BCAP29: variants seen among roughly 807,000 people sequenced by gnomAD.
BCAP29 encodes the protein B cell receptor associated protein 29.
A neutral mutation model predicts 31.8 loss-of-function variants in BCAP29; 34 were observed. The observed-to-expected ratio is 1.07, with a 90% CI of 0.81 to 1.42. The LOEUF is 1.42. BCAP29 is among the 40% of genes most tolerant of loss of function. The probability of loss-of-function intolerance (pLI) is 0.00; values close to 1 mark genes in which losing one functional copy is unlikely to be tolerated. For missense variants in BCAP29, 314 were observed against 269.2 expected, an observed-to-expected ratio of 1.17 and a Z score of -1.16; for synonymous variants, 104 against 91.3, an observed-to-expected ratio of 1.14 and a Z score of -0.79.
At chr7:107,589,669 C>T (rs1808357710) in intron 3 of BCAP29, among the ~76,000 whole-genome samples, 1 of 152,142 alleles carries the variant, frequency 6.6e-6, no homozygotes, top group African/African-American at 2.4e-5. Context: ...TGTTGGGGAC[C>T]CCTGCTGTAC....
intron 6 of BCAP29, among the ~76,000 whole-genome samples, chr7:107,611,182 C>A (rs1318205354): frequency 1.3e-5 from 2 of 152,110 alleles, no homozygotes; most frequent in African/African-American, 4.8e-5. Context: ...CCCAGCCACG[C>A]CTCCCAATAC....
At chr7:107,605,381 CAT>C (rs933775664) in intron 6 of BCAP29, among the ~76,000 whole-genome samples, 1 of 152,160 alleles carries the variant, frequency 6.6e-6, no homozygotes, top group Non-Finnish European at 1.5e-5. Context: ...GTAAACCAAA[CAT>C]ATGTCCATAA....
intron 3 of BCAP29, among the ~76,000 whole-genome samples, chr7:107,588,850 A>T (rs1054683968): frequency 1.3e-5 from 2 of 152,212 alleles, no homozygotes; most frequent in Non-Finnish European, 2.9e-5. Flanking sequence ...TCAACCATGG[A>T]TGTGTAGGAA....
chr7:107,617,793 TATGAG>T (rs1282064866), intron 7 of BCAP29, among the ~76,000 whole-genome samples: 2 of 152,232 alleles, frequency 1.3e-5, no homozygotes, highest in African/African-American at 4.8e-5. Context: ...AACCCCATTT[TATGAG>T]ATATTTTTCA....
chr7:107,593,143 GC>G (rs1809183185), intron 3 of BCAP29, among the ~76,000 whole-genome samples: 1 of 152,284 alleles, frequency 6.6e-6, no homozygotes, highest in African/African-American at 2.4e-5. Flanking sequence ...TCCTTGTGTG[GC>G]AATAACTCTT....
At chr7:107,585,742 C>G (rs1294175553) in intron 3 of BCAP29, among the ~76,000 whole-genome samples, 2 of 152,168 alleles carry the variant, frequency 1.3e-5, no homozygotes, top group African/African-American at 2.4e-5. Flanking sequence ...GTAATCTCAG[C>G]ACTTCGAAAG....
intron 2 of BCAP29, among the ~76,000 whole-genome samples, chr7:107,582,276 T>A (rs1424895069): frequency 6.6e-6 from 1 of 152,200 alleles, no homozygotes; most frequent in Non-Finnish European, 1.5e-5. Flanking sequence ...ATTTTACCCA[T>A]CCTGATCAAG....
At chr7:107,599,150 T>TATATAA (rs1563133791) in intron 5 of BCAP29, among the ~76,000 whole-genome samples, 1 of 116,404 alleles carries the variant, frequency 8.6e-6, no homozygotes, top group Non-Finnish European at 1.7e-5. Flanking sequence ...TGTATATAAA[T>TATATAA]ATATATTTAT....
In BCAP29 at chr7:107,595,987, CGAAAAACT is replaced by C; in HGVS notation, c.466_473del (p.Glu156LysfsTer9). On this transcript the variant is annotated frameshift_variant, in exon 5 of 8. Coordinates refer to ENST00000005259, the MANE Select transcript of BCAP29 (RefSeq NM_018844.4). LOFTEE classifies it high-confidence loss of function. ...CTGCCAAAAAATTTATGGAAGAAAA[CGAAAAACT>C]AAAAAGGGTATTTAATTTTCTTTGT... 2.6e-6 allele frequency: 4 copies of C among 1,564,004 alleles called. No homozygotes were observed. The South Asian group carries it at 4.9e-5, about 19-fold the overall frequency.
At chr7:107,614,212 T>C (rs1813724765) in intron 7 of BCAP29, among the ~76,000 whole-genome samples, 1 of 152,218 alleles carries the variant, frequency 6.6e-6, no homozygotes, top group Non-Finnish European at 1.5e-5. Context: ...AATAGCTTTT[T>C]ATTTCACTGT....
chr7:107,601,113 G>T (rs1468960102), intron 6 of BCAP29, among the ~76,000 whole-genome samples: 1 of 152,062 alleles, frequency 6.6e-6, no homozygotes, highest in African/African-American at 2.4e-5. Context: ...AGTTTTGCTA[G>T]TGTTTTTTTC....
In BCAP29 at chr7:107,619,887, T is replaced by TA. The variant is rs907352239; in HGVS notation, c.*1528dup. The TA allele has an allele frequency of 9.2e-5, 14 of 152,210 alleles. No homozygotes were observed. Among genetic ancestry groups the TA allele is most frequent in the African/African-American group, 3.1e-4 (13 of 41,460 alleles). 9.4% of individuals were successfully genotyped at this position (152,210 alleles called of 1,614,324 possible). ...TGCACAGCTTTAAAATGGGCAGAGTTAAAATCTATTCCCAGCTTTATCACT... is the reference window on the plus strand; with the variant it reads ...TGCACAGCTTTAAAATGGGCAGAGTTAAAAATCTATTCCCAGCTTTATCACT... On this transcript the variant is annotated 3_prime_UTR_variant, in exon 8 of 8. Coordinates refer to ENST00000005259, the MANE Select transcript of BCAP29 (RefSeq NM_018844.4).
intron 6 of BCAP29, among the ~76,000 whole-genome samples, chr7:107,605,515 T>C (rs941315231): frequency 2.6e-5 from 4 of 152,174 alleles, no homozygotes; most frequent in Non-Finnish European, 4.4e-5. Context: ...TCAAGCACAA[T>C]TCTCTAAATG....
downstream of BCAP29, chr7:107,620,769 C>T (rs1814889410): frequency 6.6e-6 from 1 of 152,206 alleles, no homozygotes; most frequent in Non-Finnish European, 1.5e-5. Flanking sequence ...AGATTCATGC[C>T]TTGTTCTTTA....
At chr7:107,598,522 C>T (rs1318848428) in intron 5 of BCAP29, among the ~76,000 whole-genome samples, 1 of 152,022 alleles carries the variant, frequency 6.6e-6, no homozygotes, top group Non-Finnish European at 1.5e-5. Context: ...TTTTTATGCT[C>T]GTTTCGTCCT....
chr7:107,583,904 A>G lies in BCAP29; in HGVS notation c.115A>G (p.Asn39Asp), dbSNP rs1438070973. 1.3e-6 allele frequency: 2 copies of G among 1,571,852 alleles called. No individual in the cohort carries two copies. The highest frequency in any genetic ancestry group is 1.7e-6 in the Non-Finnish European group (2 of 1,156,902). Residue 39 changes from asparagine to aspartate, a missense_variant, in exon 3 of 8, where the codon AAT (asparagine) becomes GAT (aspartate). Transcript: ENST00000005259. The stretch of plus-strand genomic sequence containing the variant: ...CAGATGGCAGAAGATTTTTTCATTT[A>G]ATGTCTGGGGTAAAATTGCAACTTT... ...PQRWQKIFSF[N>D]VWGKIATFWN...
At chr7:107,597,879 A>T (rs76035647) in intron 5 of BCAP29, among the ~76,000 whole-genome samples, 3,558 of 152,234 alleles carry the variant, frequency 0.023, 137 homozygotes, top group African/African-American at 0.081. Flanking sequence ...TTAACTTTTA[A>T]TTTTACTTCT....
chr7:107,582,434 G>C (rs889229704), intron 2 of BCAP29, among the ~76,000 whole-genome samples: 3 of 152,020 alleles, frequency 2.0e-5, no homozygotes, highest in Non-Finnish European at 4.4e-5. Context: ...TTTTATATTT[G>C]TATCACCATA....
Position 107,594,060 on chromosome 7 carries a change from C to G in BCAP29, c.299C>G (p.Ser100Cys), listed in dbSNP as rs1156627815. ...YEHTQMKLFR[S>C]QRNLYISGFS... ...CACACACAGATGAAACTTTTTAGGT[C>G]TCAAAGAAATCTTTACATTTCTGGA... The change falls in exon 4 of 8, where the codon TCT (serine) becomes TGT (cysteine). Residue 100 changes from serine to cysteine, a missense_variant. Ser to Cys is a moderately radical substitution (Grantham distance 112). Transcript: ENST00000005259. 6.2e-7 allele frequency: 1 copy of G among 1,613,246 alleles called. No homozygotes were observed. Among genetic ancestry groups the G allele is most frequent in the African/African-American group, 1.3e-5 (1 of 74,838 alleles).
Sources: allele counts gnomAD v4.1 joint callset (sites outside exome capture counted in the v4.1 genomes callset), GRCh38; gene constraint gnomAD v4.1.1; transcripts MANE v1.5; gene names NCBI Gene and HGNC (gene_info 2026-07-23, HGNC 2026-07-21).